The following SUN3 variants were observed in gnomAD, a reference collection of about 807,000 sequenced individuals.
The protein encoded by SUN3 is SUN domain-containing protein 3.
SUN3 carries 36 observed loss-of-function variants against 48.2 expected under a neutral mutation model. The ratio of observed to expected loss-of-function variants is 0.75; its 90% CI spans 0.57 to 0.99. SUN3 has a LOEUF of 0.99. Ranked by LOEUF, SUN3 falls within the 50% of genes least tolerant of loss-of-function variation. SUN3 has a pLI of 0.00. For synonymous variants in SUN3, 148 were observed against 147.9 expected, an observed-to-expected ratio of 1.00 and a Z score of 0.00; for missense variants, 419 against 433.1, an observed-to-expected ratio of 0.97 and a Z score of 0.29.
chr7:48,019,366 A>G (rs1475884067), intron 2 of SUN3, among the ~76,000 whole-genome samples: 2 of 152,132 alleles, frequency 1.3e-5, no homozygotes, highest in East Asian at 3.8e-4. Flanking sequence ...CCTATAAATG[A>G]TGTAATGATG....
intron 8 of SUN3, among the ~76,000 whole-genome samples, chr7:47,992,721 A>G (rs1368629423): frequency 6.6e-6 from 1 of 152,168 alleles, no homozygotes; most frequent in East Asian, 1.9e-4. Flanking sequence ...AAATGAAAAG[A>G]AAGTGAAGGA....
At chr7:48,002,812 T>C (rs927914728) in intron 6 of SUN3, among the ~76,000 whole-genome samples, 5 of 152,228 alleles carry the variant, frequency 3.3e-5, no homozygotes, top group Admixed American at 3.3e-4. Context: ...CCCATGCCTA[T>C]GTCCTGAATG....
At chr7:48,025,753 A>G in intron 2 of SUN3, 124 bp downstream of exon 2, 1 of 532,584 alleles carries the variant, frequency 1.9e-6, no homozygotes. Flanking sequence ...GAGAATGTGC[A>G]GGTCACCTCC....
intron 6 of SUN3, among the ~76,000 whole-genome samples, chr7:48,003,169 T>C (rs999607924): frequency 4.6e-5 from 7 of 151,868 alleles, no homozygotes; most frequent in Admixed American, 1.3e-4. Flanking sequence ...ATTTATTGAA[T>C]AGGAATACTT....
chr7:47,990,353 T>C (rs899815476), intron 8 of SUN3, among the ~76,000 whole-genome samples: 3 of 152,104 alleles, frequency 2.0e-5, no homozygotes, highest in Admixed American at 6.5e-5. Flanking sequence ...CTTTACCTTA[T>C]GATGCAGAGA....
intron 8 of SUN3, among the ~76,000 whole-genome samples, chr7:47,993,169 C>A (rs1789113930): frequency 6.6e-6 from 1 of 152,164 alleles, no homozygotes; most frequent in Admixed American, 6.5e-5. Flanking sequence ...AATAGCTCAA[C>A]TGAGAGCTGT....
At chr7:48,024,317 C>T (rs990068892) in intron 2 of SUN3, among the ~76,000 whole-genome samples, 1 of 152,044 alleles carries the variant, frequency 6.6e-6, no homozygotes, top group African/African-American at 2.4e-5. Flanking sequence ...TCCAACTCAA[C>T]AACAAAAGGA....
At position 47,994,345 on chromosome 7, in the gene SUN3, GAT is replaced by G; in HGVS notation, c.829_830del (p.Ile277LeufsTer17). ...CAGAAAATTCCTTGGGTGCACTGGA[GAT>G]GTTTCCTGACGGAGACACCTTCTCT... ...ISEKVSPSGN[I>X]SSAPKEFSVY... On this transcript the variant is annotated frameshift_variant, in exon 8 of 10. Coordinates refer to ENST00000297325, the MANE Select transcript of SUN3 (RefSeq NM_001030019.2). LOFTEE classifies it high-confidence loss of function. 6.2e-7 allele frequency: 1 copy of G among 1,613,556 alleles called. No homozygotes were observed. The highest frequency in any genetic ancestry group is 2.2e-5 in the East Asian group (1 of 44,858).
At chr7:48,015,114 T>C (rs746499774) in intron 3 of SUN3, among the ~76,000 whole-genome samples, 28 of 152,162 alleles carry the variant, frequency 1.8e-4, no homozygotes, top group Non-Finnish European at 3.4e-4. Flanking sequence ...AAATTAACCA[T>C]CACAACGAAG....
chr7:48,021,708 C>T (rs2128782713), intron 2 of SUN3, among the ~76,000 whole-genome samples: 1 of 152,082 alleles, frequency 6.6e-6, no homozygotes, highest in East Asian at 1.9e-4. Context: ...TGAAAATCAA[C>T]ACTACAATGA....
rs142289282 is a variant in SUN3, at chr7:47,989,329, A to C, written c.862-449T>G. 2.9e-3 allele frequency among the ~76,000 whole-genome samples: 447 copies of C among 152,384 alleles called. 5 individuals carry two copies. Among genetic ancestry groups the C allele is most frequent in the African/African-American group, 0.01 (416 of 41,588 alleles). On this transcript the variant is annotated intron_variant, in intron 8 of 9. Transcript: ENST00000297325. ...TGATGTTTACCAAAATGAGATAAACATAAGCCCATTGCCAGATTTTGATCA... is the reference window on the plus strand; with the variant it reads ...TGATGTTTACCAAAATGAGATAAACCTAAGCCCATTGCCAGATTTTGATCA...
rs1325959423 is a variant in SUN3, at chr7:48,014,572, C to G, written c.288+2690G>C. Among the ~76,000 whole-genome samples, 5 of 152,230 alleles carry G rather than the reference C, an allele frequency of 3.3e-5. No individual in the cohort carries two copies. In the East Asian group the frequency reaches 5.8e-4, roughly 18 times the overall value. On this transcript the variant is annotated intron_variant, in intron 3 of 9. Transcript: ENST00000297325. Reference sequence around the variant, plus strand: ...CAGGTGGTTTGTGTGGTCACAGAAGCCTGTCTAATGAGGAGACATTTGGAC... The same window carrying G: ...CAGGTGGTTTGTGTGGTCACAGAAGGCTGTCTAATGAGGAGACATTTGGAC...
At chr7:47,995,709 A>G (rs1280968163) in intron 7 of SUN3, among the ~76,000 whole-genome samples, 1 of 152,246 alleles carries the variant, frequency 6.6e-6, no homozygotes, top group Admixed American at 6.5e-5. Context: ...GAATGACTGA[A>G]GTTTTCAATG....
At chr7:48,004,736 G>T (rs562953336) in intron 6 of SUN3, among the ~76,000 whole-genome samples, 11 of 152,202 alleles carry the variant, frequency 7.2e-5, no homozygotes, top group African/African-American at 2.4e-4. Context: ...TTGCTGCCAC[G>T]TTTGCAGCTC....
At chr7:48,033,024 T>C (rs1157962655), upstream of SUN3, among the ~76,000 whole-genome samples, 1 of 152,180 alleles carries the variant, frequency 6.6e-6, no homozygotes, top group African/African-American at 2.4e-5. Flanking sequence ...TATCTACAAG[T>C]AAAGTGAAAA....
Position 48,029,026 on chromosome 7 carries a change from T to C in SUN3, c.-88A>G, listed in dbSNP as rs993825405. ...TTTATGAAAAACATGAAGCTATACA[T>C]ACAGTTTCTAAATTTGTTTTGTATA... is the stretch of plus-strand genomic sequence containing the variant. On this transcript the variant is annotated 5_prime_UTR_variant, in exon 1 of 10. The change abolishes an upstream ATG in the 5' untranslated region. Transcript: ENST00000297325. 9.6e-6 allele frequency: 15 copies of C among 1,560,150 alleles called. No individual in the cohort carries two copies. Among genetic ancestry groups the C allele is most frequent in the African/African-American group, 1.4e-5 (1 of 72,506 alleles).
rs147548780 is a variant in SUN3 at position 47,991,348 on chromosome 7, G to A, written c.862-2468C>T. The stretch of plus-strand genomic sequence containing the variant: ...CCCATAATTTGTCTAAATAATGAAC[G>A]TGTTCACCTTTCTGAGATGGAACTT... On this transcript the variant is annotated intron_variant, in intron 8 of 9. Transcript: ENST00000297325. Among the ~76,000 whole-genome samples, 83 of 152,250 alleles carry A rather than the reference G, an allele frequency of 5.5e-4. No homozygotes were observed. In the East Asian group the frequency reaches 6.4e-3, roughly 12 times the overall value.
At chr7:48,021,054 A>C (rs1422569914) in intron 2 of SUN3, among the ~76,000 whole-genome samples, 1 of 152,214 alleles carries the variant, frequency 6.6e-6, no homozygotes, top group Non-Finnish European at 1.5e-5. Flanking sequence ...TAACCAAAAC[A>C]GCAGGGTACT....
intron 1 of SUN3, among the ~76,000 whole-genome samples, chr7:48,028,081 T>C (rs1790183399): frequency 6.6e-6 from 1 of 152,180 alleles, no homozygotes; most frequent in Non-Finnish European, 1.5e-5. Context: ...GGGGCAAGCA[T>C]ATTTTGTTAT....
Sources: gnomAD v4.1 joint callset for allele counts (sites outside exome capture counted in the v4.1 genomes callset) on GRCh38, gnomAD v4.1.1 for gene constraint, MANE v1.5 for transcripts, NCBI Gene and HGNC (gene_info 2026-07-23, HGNC 2026-07-21) for gene names.